Variants in SLC41A2 observed in about 807,000 individuals in gnomAD.
SLC41A2 encodes the protein SLC41A1-like 1.
SLC41A2 carries 32 observed loss-of-function variants against 58.3 expected under a neutral mutation model. The observed-to-expected ratio is 0.55, with a 90% confidence interval of 0.41 to 0.74. SLC41A2 has a LOEUF of 0.74. SLC41A2 is among the 30% of genes least tolerant of loss of function. SLC41A2 has a pLI of 0.00. For missense variants in SLC41A2, 514 were observed against 680.6 expected, an observed-to-expected ratio of 0.76 and a Z score of 2.72; for synonymous variants, 190 against 235.0, an observed-to-expected ratio of 0.81 and a Z score of 1.75.
Position 104,803,450 on chromosome 12 carries a change from T to C in SLC41A2, c.*1702A>G, listed in dbSNP as rs538377666. 4.6e-5 allele frequency: 7 copies of C among 152,252 alleles called. No individual in the cohort carries two copies. The highest frequency in any genetic ancestry group is 1.7e-4 in the African/African-American group (7 of 41,572). The allele number at this position is 152,252 out of a possible 1,614,324, so 9.4% of individuals were successfully genotyped here. A position where few individuals can be genotyped will look rare whatever the true frequency, so the allele number is the denominator to read the frequency against. ...TGAAGTTTAAAAATAAGCAAAAATA[T>C]ATAACTCTAAACCACAGTCCCCTCA... is the stretch of plus-strand genomic sequence containing the variant. On this transcript the variant is annotated 3_prime_UTR_variant, in exon 11 of 11. Transcript: ENST00000258538.
chr12:104,936,740 G>A (rs897285045), intron 1 of SLC41A2, among the ~76,000 whole-genome samples: 11 of 152,140 alleles, frequency 7.2e-5, no homozygotes, highest in African/African-American at 2.7e-4. Flanking sequence ...TGAGATTTGG[G>A]TAGGGACACA....
At chr12:104,943,446 T>C (rs1320116096) in intron 1 of SLC41A2, among the ~76,000 whole-genome samples, 1 of 152,184 alleles carries the variant, frequency 6.6e-6, no homozygotes, top group Non-Finnish European at 1.5e-5. Flanking sequence ...TTTAACCTCC[T>C]TGTTAAGTTT....
chr12:104,930,372 CAGG>C (rs1430181664), intron 1 of SLC41A2, among the ~76,000 whole-genome samples: 1 of 151,884 alleles, frequency 6.6e-6, no homozygotes, highest in Non-Finnish European at 1.5e-5. Context: ...GAGAGCCTTC[CAGG>C]TAATGAAAGG....
chr12:104,842,148 C>A (rs1417839028), intron 10 of SLC41A2, among the ~76,000 whole-genome samples: 4 of 152,142 alleles, frequency 2.6e-5, no homozygotes, highest in Non-Finnish European at 2.9e-5. Flanking sequence ...GGAGTTATTT[C>A]TTCATTCTGT....
At chr12:104,908,305 C>T (rs768744767) in intron 3 of SLC41A2, among the ~76,000 whole-genome samples, 20 of 152,106 alleles carry the variant, frequency 1.3e-4, no homozygotes, top group Non-Finnish European at 2.5e-4. Context: ...GTTAATAAAA[C>T]ATTATTTTAT....
intron 1 of SLC41A2, among the ~76,000 whole-genome samples, chr12:104,938,685 G>T (rs2047380963): frequency 6.6e-6 from 1 of 152,170 alleles, no homozygotes; most frequent in Non-Finnish European, 1.5e-5. Flanking sequence ...AATCAACAGG[G>T]TACACATAAC....
chr12:104,823,196 T>C (rs1489463083), intron 10 of SLC41A2, among the ~76,000 whole-genome samples: 1 of 152,104 alleles, frequency 6.6e-6, no homozygotes, highest in African/African-American at 2.4e-5. Flanking sequence ...AACTCTATGT[T>C]GAGAGTAGAG....
intron 10 of SLC41A2, among the ~76,000 whole-genome samples, chr12:104,837,396 T>C (rs1229961155): frequency 6.6e-6 from 1 of 152,134 alleles, no homozygotes; most frequent in Non-Finnish European, 1.5e-5. Context: ...TATCTAAGGC[T>C]GGCCTATTTC....
At chr12:104,922,676 G>C (rs935641359) in intron 2 of SLC41A2, among the ~76,000 whole-genome samples, 5 of 152,108 alleles carry the variant, frequency 3.3e-5, no homozygotes, top group African/African-American at 1.2e-4. Context: ...AGACCAAACA[G>C]ACCTAACTGA....
intron 9 of SLC41A2, 108 bp from the exon 10 acceptor site, chr12:104,844,728 T>C: frequency 2.1e-6 from 1 of 465,904 alleles, no homozygotes; most frequent in Non-Finnish European, 3.5e-6. Context: ...TACTTCATAC[T>C]ATCACATGAA....
intron 10 of SLC41A2, among the ~76,000 whole-genome samples, chr12:104,837,525 T>C (rs541293102): frequency 6.6e-6 from 1 of 152,236 alleles, no homozygotes; most frequent in East Asian, 1.9e-4. Flanking sequence ...CTCTTCAACA[T>C]TTAACTGGAG....
At chr12:104,954,425 C>G (rs2048070949) in intron 1 of SLC41A2, among the ~76,000 whole-genome samples, 1 of 152,210 alleles carries the variant, frequency 6.6e-6, no homozygotes, top group African/African-American at 2.4e-5. Context: ...ACCATCACTT[C>G]TCAGGGATAT....
chr12:104,911,440 T>C lies in SLC41A2; in HGVS notation c.556-1678A>G, dbSNP rs2046082528. Among the ~76,000 whole-genome samples the C allele has an allele frequency of 2.0e-5, 3 of 152,158 alleles. No individual in the cohort carries two copies. In the South Asian group the frequency reaches 6.2e-4, roughly 31 times the overall value. Reference sequence around the variant, plus strand: ...CAGATATTAAAGATATATATAAAGATATTAAAGATACAAATATCTTAATAA... The same window carrying C: ...CAGATATTAAAGATATATATAAAGACATTAAAGATACAAATATCTTAATAA... On this transcript the variant is annotated intron_variant, in intron 2 of 10. Coordinates refer to ENST00000258538, the MANE Select transcript of SLC41A2 (RefSeq NM_001352171.3).
intron 1 of SLC41A2, among the ~76,000 whole-genome samples, chr12:104,952,876 G>C (rs542610729): frequency 3.9e-4 from 60 of 152,192 alleles, no homozygotes; most frequent in African/African-American, 1.3e-3. Context: ...CTTTTACCTA[G>C]CTACTTCCTA....
At chr12:104,831,578 T>C (rs1849631643) in intron 10 of SLC41A2, among the ~76,000 whole-genome samples, 1 of 152,220 alleles carries the variant, frequency 6.6e-6, no homozygotes, top group South Asian at 2.1e-4. Flanking sequence ...TAGTTGTTCA[T>C]AGAATATTTT....
rs143399637 is a variant in SLC41A2, at chr12:104,901,603, G to A, written c.664-6258C>T. On this transcript the variant is annotated intron_variant, in intron 3 of 10. Coordinates refer to ENST00000258538, the MANE Select transcript of SLC41A2 (RefSeq NM_001352171.3). ...CTCACTCTGTTGCCCAGGCTGGAGT[G>A]CAGTGGCCCCATCTCAGTTCACTGC... 1.5e-3 allele frequency among the ~76,000 whole-genome samples: 234 copies of A among 152,012 alleles called. 2 individuals are homozygous for A. In the East Asian group the frequency reaches 0.019, roughly 13 times the overall value.
rs928633076 is a variant in SLC41A2 at position 104,886,503 on chromosome 12, C to T, written c.881-64G>A. The T allele has an allele frequency of 2.0e-6, 3 of 1,531,362 alleles. No homozygotes were observed. In the Admixed American group the frequency reaches 5.2e-5, roughly 27 times the overall value. 94.9% of individuals were successfully genotyped at this position (1,531,362 alleles called of 1,614,324 possible). A position where few individuals can be genotyped will look rare whatever the true frequency, so the allele number is the denominator to read the frequency against. ...TTAAAGAAAATCAATCCCCCAAATACCAAAATGTGTAGGATAGAAAAACAG... is the reference window on the plus strand; with the variant it reads ...TTAAAGAAAATCAATCCCCCAAATATCAAAATGTGTAGGATAGAAAAACAG... On this transcript the variant is annotated intron_variant, in intron 5 of 10. Transcript: ENST00000258538.
At chr12:104,948,597 G>A (rs975732804) in intron 1 of SLC41A2, among the ~76,000 whole-genome samples, 5 of 152,126 alleles carry the variant, frequency 3.3e-5, no homozygotes, top group Non-Finnish European at 4.4e-5. Flanking sequence ...AAGTTACAAC[G>A]TTAGTAAGAT....
intron 2 of SLC41A2, among the ~76,000 whole-genome samples, chr12:104,917,914 TATAC>T (rs2046402778): frequency 6.7e-6 from 1 of 149,734 alleles, no homozygotes; most frequent in African/African-American, 2.4e-5. Context: ...ATGGCACATG[TATAC>T]ATATGTAACT....
Sources: allele counts gnomAD v4.1 joint callset (sites outside exome capture counted in the v4.1 genomes callset), GRCh38; gene constraint gnomAD v4.1.1; transcripts MANE v1.5; gene names NCBI Gene and HGNC (gene_info 2026-07-23, HGNC 2026-07-21).